The following GFRA1 variants were observed in gnomAD, a reference collection of about 807,000 sequenced individuals.
GFRA1 encodes the protein GDNF family receptor alpha-1.
A neutral mutation model predicts 51.6 loss-of-function variants in GFRA1; 16 were observed. The ratio of observed to expected loss-of-function variants is 0.31; its 90% confidence interval spans 0.21 to 0.47. The LOEUF (loss-of-function observed/expected upper bound fraction) is 0.47. Ranked by LOEUF, GFRA1 falls within the 20% of genes least tolerant of loss-of-function variation. The pLI is 1.00. For synonymous variants in GFRA1, 270 were observed against 241.3 expected (o/e 1.12, Z -1.10); for missense variants, 530 against 594.3 (o/e 0.89, Z 1.13).
chr10:116,103,311 CA>C (rs1956887584), intron 6 of GFRA1, among the ~76,000 whole-genome samples: 1 of 152,230 alleles, frequency 6.6e-6, no homozygotes, highest in African/African-American at 2.4e-5. Flanking sequence ...ATGTTCTCCC[CA>C]ATTCCTGGTT....
intron 5 of GFRA1, among the ~76,000 whole-genome samples, chr10:116,147,715 T>C (rs1336619543): frequency 1.3e-5 from 2 of 152,092 alleles, no homozygotes; most frequent in Admixed American, 6.6e-5. Flanking sequence ...CAGAGCCATC[T>C]CTGAATGAGA....
chr10:116,213,413 C>A (rs1965345626), intron 4 of GFRA1, among the ~76,000 whole-genome samples: 1 of 152,116 alleles, frequency 6.6e-6, no homozygotes, highest in Admixed American at 6.5e-5. Context: ...CCCATCTGTG[C>A]CCCCTGTATG....
At position 116,065,474 on chromosome 10, in the gene GFRA1, C is replaced by T. The variant is rs990416119; in HGVS notation, c.1251+99G>A. ...GCTTAGATTTCTTGTGGACTGGATA[C>T]CTTCTTGTCTTTGAATGCTTTATAT... On this transcript the variant is annotated intron_variant, in intron 10 of 10. Transcript: ENST00000355422. 6 of 948,560 alleles carry T rather than the reference C, an allele frequency of 6.3e-6. No individual in the cohort carries two copies. The African/African-American group carries it at 6.5e-5, about 10-fold the overall frequency. 58.8% of individuals were successfully genotyped at this position (948,560 alleles called of 1,614,324 possible).
rs1395242562 is a variant in GFRA1, at chr10:116,063,684, T to C, written c.*714A>G. ...GGATTAGGAGAGTGTCGTTCAGGGA[T>C]TGAGGTATTGAATCGGCACACTCAT... On this transcript the variant is annotated 3_prime_UTR_variant, in exon 11 of 11. Transcript: ENST00000355422. 1 of 152,094 alleles carries C rather than the reference T, an allele frequency of 6.6e-6. No homozygotes were observed. Among genetic ancestry groups the C allele is most frequent in the Non-Finnish European group, 1.5e-5 (1 of 68,158 alleles). 9.4% of individuals were successfully genotyped at this position (152,094 alleles called of 1,614,324 possible). A position where few individuals can be genotyped will look rare whatever the true frequency, so the allele number is the denominator to read the frequency against.
chr10:116,065,150 C>T (rs1020521255), intron 10 of GFRA1, among the ~76,000 whole-genome samples: 13 of 152,312 alleles, frequency 8.5e-5, no homozygotes, highest in Admixed American at 7.8e-4. Flanking sequence ...GCAGAATTTT[C>T]GGTCTCCTCA....
At chr10:116,236,974 T>C (rs1240857359) in intron 4 of GFRA1, among the ~76,000 whole-genome samples, 1 of 152,246 alleles carries the variant, frequency 6.6e-6, no homozygotes, top group East Asian at 1.9e-4. Flanking sequence ...CATTATCTCA[T>C]TGAATAGTCA....
chr10:116,084,732 C>T (rs1005215691), intron 9 of GFRA1, among the ~76,000 whole-genome samples: 9 of 149,572 alleles, frequency 6.0e-5, no homozygotes, highest in African/African-American at 1.2e-4. Flanking sequence ...ATTTTTCTAA[C>T]GTTCCAAAGA....
chr10:116,111,293 G>C (rs1341375273), intron 6 of GFRA1, among the ~76,000 whole-genome samples: 1 of 152,192 alleles, frequency 6.6e-6, no homozygotes, highest in Non-Finnish European at 1.5e-5. Flanking sequence ...TTCTTCATGT[G>C]CAGTGAGGGC....
chr10:116,155,114 T>A (rs185981817), intron 5 of GFRA1, among the ~76,000 whole-genome samples: 24 of 152,314 alleles, frequency 1.6e-4, no homozygotes, highest in African/African-American at 5.5e-4. Flanking sequence ...AACTCTAATG[T>A]GTCAAGAACT....
At chr10:116,250,866 A>T (rs928951997) in intron 4 of GFRA1, among the ~76,000 whole-genome samples, 1 of 152,188 alleles carries the variant, frequency 6.6e-6, no homozygotes, top group African/African-American at 2.4e-5. Flanking sequence ...ACTGGTAAAA[A>T]GGGACCAGGC....
At position 116,125,206 on chromosome 10, in the gene GFRA1, C is replaced by A; in HGVS notation, c.770+15G>T. ...CTGTCACCTCATTAATCACCAGCTG[C>A]CAGTGCCCACTTACCTGCAGATGTA... On this transcript the variant is annotated intron_variant, in intron 6 of 10. Transcript: ENST00000355422. 6.2e-7 allele frequency: 1 copy of A among 1,603,546 alleles called. No individual in the cohort carries two copies. Among genetic ancestry groups the A allele is most frequent in the Non-Finnish European group, 8.5e-7 (1 of 1,170,326 alleles).
chr10:116,142,963 G>A (rs1380087400), intron 5 of GFRA1, among the ~76,000 whole-genome samples: 4 of 152,166 alleles, frequency 2.6e-5, no homozygotes, highest in Non-Finnish European at 5.9e-5. Flanking sequence ...TATTGCAGCT[G>A]AAGAATAGTT....
At chr10:116,164,611 T>C (rs1960182668) in intron 5 of GFRA1, among the ~76,000 whole-genome samples, 1 of 152,254 alleles carries the variant, frequency 6.6e-6, no homozygotes, top group Non-Finnish European at 1.5e-5. Context: ...TCATTCAGTG[T>C]TGGGTCTTTT....
intron 4 of GFRA1, among the ~76,000 whole-genome samples, chr10:116,236,283 A>T (rs931696970): frequency 3.3e-5 from 5 of 152,112 alleles, no homozygotes. Flanking sequence ...TAGGCCCTGA[A>T]GACACTGCCT....
intron 6 of GFRA1, among the ~76,000 whole-genome samples, chr10:116,115,800 G>A (rs1414951619): frequency 6.6e-6 from 1 of 152,158 alleles, no homozygotes; most frequent in African/African-American, 2.4e-5. Flanking sequence ...TTCAGGCCTG[G>A]GCTTGAGGGG....
In GFRA1 at chr10:116,064,065, ATCAT is replaced by A; in HGVS notation, c.*329_*332del. On this transcript the variant is annotated 3_prime_UTR_variant, in exon 11 of 11. Transcript: ENST00000355422. ...CATCATCATGATCATGATGATCATC[ATCAT>A]GATCATGATGATCATCATCATGATC... 6.7e-6 allele frequency: 1 copy of A among 148,722 alleles called. No individual in the cohort carries two copies. The highest frequency in any genetic ancestry group is 1.2e-5 in the Non-Finnish European group (1 of 81,578). 9.2% of individuals were successfully genotyped at this position (148,722 alleles called of 1,614,324 possible). A position where few individuals can be genotyped will look rare whatever the true frequency, so the allele number is the denominator to read the frequency against.
At chr10:116,222,207 ATTTATTTT>A (rs1965972674) in intron 4 of GFRA1, among the ~76,000 whole-genome samples, 2 of 151,876 alleles carry the variant, frequency 1.3e-5, no homozygotes, top group Admixed American at 1.3e-4. Flanking sequence ...TTATTTATTT[ATTTATTTT>A]GGAGATAAAG....
chr10:116,251,036 C>A (rs114404034), intron 4 of GFRA1, among the ~76,000 whole-genome samples: 1 of 152,234 alleles, frequency 6.6e-6, no homozygotes, highest in African/African-American at 2.4e-5. Context: ...CAGAGAGGCA[C>A]ATTCTGATTT....
rs1480767757 is a variant in GFRA1, at chr10:116,188,721, T to C, written c.433+22910A>G. On this transcript the variant is annotated intron_variant, in intron 5 of 10. Coordinates refer to ENST00000355422, the MANE Select transcript of GFRA1 (RefSeq NM_005264.8). Reference sequence around the variant, plus strand: ...GAGTTTGAGACCAGCTTGGCCAACATGGTGAAACCCTGCTAAAAATACAAA... The same window carrying C: ...GAGTTTGAGACCAGCTTGGCCAACACGGTGAAACCCTGCTAAAAATACAAA... Among the ~76,000 whole-genome samples the C allele has an allele frequency of 2.0e-5, 3 of 151,342 alleles. No individual in the cohort carries two copies. In the East Asian group the frequency reaches 6.0e-4, roughly 30 times the overall value.
Sources: gnomAD v4.1 joint callset for allele counts (sites outside exome capture counted in the v4.1 genomes callset) on GRCh38, gnomAD v4.1.1 for gene constraint, MANE v1.5 for transcripts, NCBI Gene and HGNC (gene_info 2026-07-23, HGNC 2026-07-21) for gene names.